Variants in RALGAPA2 observed in about 807,000 individuals in gnomAD.
RALGAPA2 encodes ral GTPase-activating protein subunit alpha-2.
In RALGAPA2, 139 loss-of-function variants were observed where a neutral mutation model predicts 230.4. The observed-to-expected ratio is 0.60, with a 90% CI of 0.53 to 0.69. The LOEUF (loss-of-function observed/expected upper bound fraction) is 0.69. RALGAPA2 is among the 30% of genes least tolerant of loss of function. The probability of loss-of-function intolerance (pLI) is 0.00; values close to 1 mark genes in which losing one functional copy is unlikely to be tolerated. For synonymous variants in RALGAPA2, 847 were observed against 837.8 expected, an observed-to-expected ratio of 1.01 and a Z score of -0.19; for missense variants, 2,163 against 2,276.0, an observed-to-expected ratio of 0.95 and a Z score of 1.01.
intron 36 of RALGAPA2, among the ~76,000 whole-genome samples, chr20:20,489,756 C>T (rs967080144): frequency 2.6e-4 from 40 of 152,200 alleles, no homozygotes; most frequent in Non-Finnish European, 8.8e-5. Context: ...ACATTGTGTG[C>T]ACCTGTGTGC....
chr20:20,600,899 AGACCAG>A (rs2065621579), intron 16 of RALGAPA2, among the ~76,000 whole-genome samples: 2 of 152,208 alleles, frequency 1.3e-5, no homozygotes, highest in Non-Finnish European at 2.9e-5. Flanking sequence ...CAGGAATTCG[AGACCAG>A]CCTGACCAAC....
intron 3 of RALGAPA2, among the ~76,000 whole-genome samples, chr20:20,667,690 T>C (rs2068001918): frequency 6.6e-6 from 1 of 152,130 alleles, no homozygotes; most frequent in Admixed American, 6.5e-5. Flanking sequence ...AAAGGACGGG[T>C]GAGAAAGAGA....
intron 1 of RALGAPA2, among the ~76,000 whole-genome samples, chr20:20,695,670 G>A (rs2069083777): frequency 2.0e-5 from 3 of 152,186 alleles, no homozygotes; most frequent in Admixed American, 1.3e-4. Context: ...ACCTAATACT[G>A]TCATATTTTG....
chr20:20,577,153 T>C (rs1424637114), intron 20 of RALGAPA2, among the ~76,000 whole-genome samples: 4 of 152,232 alleles, frequency 2.6e-5, no homozygotes, highest in African/African-American at 9.6e-5. Context: ...ATCTCGAGTG[T>C]ATATGTTGTT....
intron 16 of RALGAPA2, among the ~76,000 whole-genome samples, chr20:20,593,765 G>T (rs1357583363): frequency 1.3e-5 from 2 of 152,198 alleles, no homozygotes; most frequent in African/African-American, 4.8e-5. Context: ...AGCCAACACT[G>T]GCAGCATCTT....
chr20:20,544,636 ATAGAC>A (rs1424758086), intron 24 of RALGAPA2, among the ~76,000 whole-genome samples: 3 of 152,222 alleles, frequency 2.0e-5, no homozygotes, highest in Non-Finnish European at 4.4e-5. Flanking sequence ...CCCATCAATA[ATAGAC>A]TAGATAAAGA....
chr20:20,442,071 T>C (rs2060752153), intron 37 of RALGAPA2, among the ~76,000 whole-genome samples: 1 of 152,248 alleles, frequency 6.6e-6, no homozygotes, highest in African/African-American at 2.4e-5. Flanking sequence ...ACAATGCAGT[T>C]GGAAGACAGA....
At chr20:20,663,735 G>A (rs2067863069) in intron 3 of RALGAPA2, among the ~76,000 whole-genome samples, 1 of 152,090 alleles carries the variant, frequency 6.6e-6, no homozygotes, top group South Asian at 2.1e-4. Flanking sequence ...GGGATTACAG[G>A]AGCACACCAC....
chr20:20,545,680 G>T (rs974035322), intron 24 of RALGAPA2, among the ~76,000 whole-genome samples: 1 of 152,206 alleles, frequency 6.6e-6, no homozygotes. Flanking sequence ...AAGGGGCAAA[G>T]ATAACTCTGA....
At chr20:20,513,605 C>T (rs1011772522) in intron 31 of RALGAPA2, among the ~76,000 whole-genome samples, 2 of 152,138 alleles carry the variant, frequency 1.3e-5, no homozygotes, top group African/African-American at 4.8e-5. Context: ...CAGAAACAGT[C>T]TCTCTCTGTA....
At chr20:20,453,136 C>G (rs2061028398) in intron 37 of RALGAPA2, among the ~76,000 whole-genome samples, 1 of 152,176 alleles carries the variant, frequency 6.6e-6, no homozygotes, top group Non-Finnish European at 1.5e-5. Flanking sequence ...ATAATTGTGC[C>G]TTCCTGATAG....
Position 20,472,942 on chromosome 20 carries a change from C to A in RALGAPA2, c.5382G>T (p.Gly1794=), listed in dbSNP as rs768585632. The A allele has an allele frequency of 1.9e-6, 3 of 1,592,780 alleles. No individual in the cohort carries two copies. The highest frequency in any genetic ancestry group is 3.4e-4 in the Middle Eastern group (2 of 5,952). ...ITKKPEVPFF[G]PLFDGAIVSG... is the part of the protein sequence containing the mutation. The stretch of plus-strand genomic sequence containing the variant: ...TCACTATGGCTCCATCAAACAGAGG[C>A]CCAAAAAATGGAACCTGTTGATTTG... The change falls in exon 37 of 40, where the codon GGG becomes GGT. Residue 1794 remains glycine (G), a synonymous_variant. Transcript: ENST00000202677.
chr20:20,412,263 G>A, intron 37 of RALGAPA2, 115 bp from the exon 38 acceptor site: 1 of 1,368,810 alleles, frequency 7.3e-7, no homozygotes, highest in East Asian at 2.3e-5. Context: ...GTATCCTGCA[G>A]GTTCTTTACC....
At chr20:20,644,401 T>A (rs201891175) in intron 4 of RALGAPA2, among the ~76,000 whole-genome samples, 1 of 152,212 alleles carries the variant, frequency 6.6e-6, no homozygotes, top group East Asian at 1.9e-4. Context: ...ATGAATTTCA[T>A]AGAGCTCCTC....
intron 3 of RALGAPA2, among the ~76,000 whole-genome samples, chr20:20,674,052 T>C (rs1239684843): frequency 6.6e-6 from 1 of 151,962 alleles, no homozygotes; most frequent in East Asian, 1.9e-4. Context: ...AAAAATTAGC[T>C]GGGCATCGTG....
chr20:20,649,052 C>T (rs1169158978), intron 4 of RALGAPA2, among the ~76,000 whole-genome samples: 3 of 152,148 alleles, frequency 2.0e-5, no homozygotes, highest in South Asian at 2.1e-4. Context: ...AGAGCAGTAA[C>T]GGTAAAAGCA....
chr20:20,444,450 A>C (rs2060813882), intron 37 of RALGAPA2, among the ~76,000 whole-genome samples: 1 of 151,828 alleles, frequency 6.6e-6, no homozygotes, highest in African/African-American at 2.4e-5. Context: ...ATTGACAAAT[A>C]CACACACGCA....
rs200006454 is a variant in RALGAPA2 at position 20,601,696 on chromosome 20, C to T, written c.2189G>A (p.Arg730His). 1.7e-5 allele frequency: 28 copies of T among 1,608,860 alleles called. No homozygotes were observed. The East Asian group carries it at 2.0e-4, about 12-fold the overall frequency. The part of the protein sequence containing the change: ...PGVEKARNIV[R>H]QKATEVEECQ... ...TAAATGTTTACCAGTTGCTTTTTGG[C>T]GAACAATATTTCTTGCCTTTTCCAC... Residue 730 changes from arginine to histidine, a missense_variant, in exon 16 of 40, where the codon CGC becomes CAC. Arg to His is a conservative substitution (Grantham distance 29). Transcript: ENST00000202677.
intron 20 of RALGAPA2, among the ~76,000 whole-genome samples, chr20:20,581,439 C>A (rs1465347389): frequency 6.6e-6 from 1 of 152,076 alleles, no homozygotes; most frequent in Non-Finnish European, 1.5e-5. Context: ...TTAATTTTAA[C>A]AGGAACACAG....
Sources: gnomAD v4.1 joint callset for allele counts (sites outside exome capture counted in the v4.1 genomes callset) on GRCh38, gnomAD v4.1.1 for gene constraint, MANE v1.5 for transcripts, NCBI Gene and HGNC (gene_info 2026-07-23, HGNC 2026-07-21) for gene names.